The following PLEKHH2 variants were observed in gnomAD, a reference collection of about 807,000 sequenced individuals.
PLEKHH2 encodes the protein pleckstrin homology domain-containing family H member 2.
Under a neutral mutation model 187.9 loss-of-function variants are expected in PLEKHH2, and 129 were observed. The observed-to-expected ratio is 0.69, with a 90% CI of 0.59 to 0.79. The LOEUF is 0.79. Ranked by LOEUF, PLEKHH2 falls within the 30% of genes least tolerant of loss-of-function variation. The pLI is 0.00. For missense variants in PLEKHH2, 2,076 were observed against 1,751.2 expected, an observed-to-expected ratio of 1.19 and a Z score of -3.31; for synonymous variants, 686 against 605.6, an observed-to-expected ratio of 1.13 and a Z score of -1.95.
At chr2:43,705,273 T>TTTTTTTAGG (rs1669601998) in intron 9 of PLEKHH2, among the ~76,000 whole-genome samples, 1 of 142,500 alleles carries the variant, frequency 7.0e-6, no homozygotes. Flanking sequence ...TTTTTTTTTT[T>TTTTTTTAGG]GAGGCAGCGT....
intron 20 of PLEKHH2, among the ~76,000 whole-genome samples, chr2:43,739,637 G>C (rs1671467501): frequency 6.6e-6 from 1 of 152,206 alleles, no homozygotes; most frequent in Non-Finnish European, 1.5e-5. Flanking sequence ...CTGTGCCCAA[G>C]AGGGAATCTG....
chr2:43,682,499 G>C (rs894090760), intron 3 of PLEKHH2, among the ~76,000 whole-genome samples: 3 of 152,042 alleles, frequency 2.0e-5, no homozygotes, highest in African/African-American at 7.2e-5. Context: ...GAGAGATGGG[G>C]TTTCACCATG....
intron 7 of PLEKHH2, among the ~76,000 whole-genome samples, chr2:43,697,793 A>G (rs903018832): frequency 6.6e-6 from 1 of 152,194 alleles, no homozygotes; most frequent in Non-Finnish European, 1.5e-5. Context: ...ATGAAATTAA[A>G]CATTGGCATA....
At position 43,697,281 on chromosome 2, in the gene PLEKHH2, C is replaced by G; in HGVS notation, c.613C>G (p.Gln205Glu). 6.2e-7 allele frequency: 1 copy of G among 1,613,850 alleles called. No individual in the cohort carries two copies. The highest frequency in any genetic ancestry group is 8.5e-7 in the Non-Finnish European group (1 of 1,179,814). ...CFLSRARSPP[Q>E]VVKSEEMSKI... ...TTTATCTCGAGCAAGGAGTCCTCCT[C>G]AAGTAGTAAAATCTGAGGAAATGAG... The change falls in exon 7 of 30, where the codon CAA (glutamine) becomes GAA (glutamate). Residue 205 changes from glutamine to glutamate, a missense_variant. Physicochemically the swap from Gln to Glu is conservative, Grantham distance 29. Coordinates refer to ENST00000282406, the MANE Select transcript of PLEKHH2 (RefSeq NM_172069.4).
intron 3 of PLEKHH2, among the ~76,000 whole-genome samples, chr2:43,684,819 CAAA>C (rs534046953): frequency 9.1e-5 from 10 of 109,770 alleles, no homozygotes; most frequent in Non-Finnish European, 1.0e-4. Context: ...CTCCCATTAC[CAAA>C]AAAAAAAAAA....
Position 43,738,376 on chromosome 2 carries a change from T to C in PLEKHH2, c.2979T>C (p.Ser993=). The part of the protein sequence containing the change: ...CQLFINAAVD[S]PAIDYHISLA... ...TTTTTATAAATGCTGCAGTTGACTC[T>C]CCTGCAATTGATTACCACATATCTT... Residue 993 remains serine (S), a synonymous_variant, in exon 20 of 30, where the codon TCT becomes TCC. Transcript: ENST00000282406. 1 of 1,613,012 alleles carries C rather than the reference T, an allele frequency of 6.2e-7. No homozygotes were observed. The highest frequency in any genetic ancestry group is 8.5e-7 in the Non-Finnish European group (1 of 1,179,230).
chr2:43,657,015 G>A (rs545376085), intron 2 of PLEKHH2, among the ~76,000 whole-genome samples: 12 of 146,884 alleles, frequency 8.2e-5, no homozygotes, highest in East Asian at 5.8e-4. Flanking sequence ...GCAAAACTCC[G>A]TGTCAAAAAA....
At chr2:43,738,269 A>T in intron 19 of PLEKHH2, 72 bp from the exon 20 acceptor site, 1 of 1,253,940 alleles carries the variant, frequency 8.0e-7, no homozygotes, top group Non-Finnish European at 1.1e-6. Context: ...CTGAAAAGAT[A>T]TTCGATATAA....
At chr2:43,688,799 T>G (rs1244834693) in intron 3 of PLEKHH2, among the ~76,000 whole-genome samples, 1 of 152,210 alleles carries the variant, frequency 6.6e-6, no homozygotes, top group African/African-American at 2.4e-5. Flanking sequence ...GCTGTGGGGT[T>G]GCACAGGGAT....
At chr2:43,692,702 C>T (rs1367717092) in intron 4 of PLEKHH2, 39 bp downstream of exon 4, 12 of 1,571,072 alleles carry the variant, frequency 7.6e-6, no homozygotes, top group Middle Eastern at 1.7e-4. Context: ...AGTGTGTGCA[C>T]TCATTTGTGC....
chr2:43,735,418 G>A (rs1424583301), intron 19 of PLEKHH2, among the ~76,000 whole-genome samples: 1 of 152,136 alleles, frequency 6.6e-6, no homozygotes, highest in Non-Finnish European at 1.5e-5. Flanking sequence ...GGTTACCAGA[G>A]GCTGGGTAGT....
At chr2:43,745,037 G>C (rs1671721130) in intron 23 of PLEKHH2, among the ~76,000 whole-genome samples, 1 of 152,062 alleles carries the variant, frequency 6.6e-6, no homozygotes, top group African/African-American at 2.4e-5. Flanking sequence ...AACTAGGCCG[G>C]GTGTGGTGGC....
chr2:43,722,125 G>T (rs1225601441), intron 16 of PLEKHH2, among the ~76,000 whole-genome samples: 1 of 151,324 alleles, frequency 6.6e-6, no homozygotes, highest in Non-Finnish European at 1.5e-5. Flanking sequence ...GCATGGTGAT[G>T]CATGCTTGTA....
rs1305523988 is a variant in PLEKHH2 at position 43,678,907 on chromosome 2, A to G, written c.168A>G (p.Ala56=). The G allele has an allele frequency of 6.2e-7, 1 of 1,609,676 alleles. No homozygotes were observed. Among genetic ancestry groups the G allele is most frequent in the Non-Finnish European group, 8.5e-7 (1 of 1,177,096 alleles). The change falls in exon 3 of 30, where the codon GCA becomes GCG. Residue 56 remains alanine, a synonymous_variant. Coordinates refer to ENST00000282406, the MANE Select transcript of PLEKHH2 (RefSeq NM_172069.4). ...ERQVIDAERQ[A]EKAFQQVQVM... Reference sequence around the variant, plus strand: ...AAGTTATTGATGCTGAACGTCAAGCAGAAAAAGCTTTTCAACAGGTAGAGT... The same window carrying G: ...AAGTTATTGATGCTGAACGTCAAGCGGAAAAAGCTTTTCAACAGGTAGAGT...
chr2:43,729,739 G>A lies in PLEKHH2; in HGVS notation c.2824G>A (p.Glu942Lys). 1.9e-6 allele frequency: 3 copies of A among 1,591,972 alleles called. No individual in the cohort carries two copies. Among genetic ancestry groups the A allele is most frequent in the South Asian group, 1.1e-5 (1 of 87,402 alleles). The change falls in exon 18 of 30, where the codon GAG becomes AAG. Residue 942 changes from glutamate (E) to lysine (K), a missense_variant. Coordinates refer to ENST00000282406, the MANE Select transcript of PLEKHH2 (RefSeq NM_172069.4). ...TTGCAAATTGCTAAATATAGACGGG[G>A]AGCCTTGTAAGTTCATAAACATATA... Reference protein sequence around the residue: ...LVCKLLNIDGEPSSQIWRHPT... With the variant: ...LVCKLLNIDGKPSSQIWRHPT...
At position 43,766,192 on chromosome 2, in the gene PLEKHH2, A is replaced by T. The variant is rs1396019073; in HGVS notation, c.*594A>T. The T allele has an allele frequency of 6.5e-6, 1 of 152,828 alleles. No individual in the cohort carries two copies. Among genetic ancestry groups the T allele is most frequent in the African/African-American group, 2.4e-5 (1 of 41,450 alleles). 9.5% of individuals were successfully genotyped at this position (152,828 alleles called of 1,614,324 possible). ...AAGCAGGATAACATTAGGTAACCTG[A>T]GCCTCCTGTGTGGTATTAGAAAGTA... On this transcript the variant is annotated 3_prime_UTR_variant, in exon 30 of 30. Coordinates refer to ENST00000282406, the MANE Select transcript of PLEKHH2 (RefSeq NM_172069.4).
chr2:43,706,817 A>G (rs1323016657), intron 10 of PLEKHH2, among the ~76,000 whole-genome samples: 2 of 152,254 alleles, frequency 1.3e-5, no homozygotes, highest in Admixed American at 1.3e-4. Flanking sequence ...TTATATTTTC[A>G]GGCATCTTTT....
rs200027120 is a variant in PLEKHH2 at position 43,710,063 on chromosome 2, G to A, written c.2040G>A (p.Glu680=). 4 of 1,613,476 alleles carry A rather than the reference G, an allele frequency of 2.5e-6. No individual in the cohort carries two copies. In the East Asian group the frequency reaches 8.9e-5, roughly 36 times the overall value. The stretch of plus-strand genomic sequence containing the variant: ...CTGATGCTTACTCCACAGACACGGA[G>A]TACTCACAGCCAGAGCAGAAGCTCC... The part of the protein sequence containing the change: ...IPPDAYSTDT[E]YSQPEQKLPK... Residue 680 remains glutamate (E), a synonymous_variant, in exon 12 of 30, where the codon GAG becomes GAA. Coordinates refer to ENST00000282406, the MANE Select transcript of PLEKHH2 (RefSeq NM_172069.4).
intron 11 of PLEKHH2, among the ~76,000 whole-genome samples, chr2:43,708,464 C>G (rs1427793022): frequency 3.3e-5 from 5 of 152,206 alleles, no homozygotes; most frequent in Admixed American, 6.5e-5. Context: ...ATAGCTGACT[C>G]CCTCACCTCC....
Sources: allele counts gnomAD v4.1 joint callset (sites outside exome capture counted in the v4.1 genomes callset), GRCh38; gene constraint gnomAD v4.1.1; transcripts MANE v1.5; gene names NCBI Gene and HGNC (gene_info 2026-07-23, HGNC 2026-07-21).